The following ST7L variants were observed in gnomAD, a reference collection of about 807,000 sequenced individuals.
ST7L encodes the protein suppression of tumorigenicity 7 like.
In ST7L, 57 loss-of-function variants were observed where a neutral mutation model predicts 72.5. That is an observed-to-expected ratio of 0.79 (90% CI 0.64 to 0.98). The LOEUF (loss-of-function observed/expected upper bound fraction) is 0.98. Ranked by LOEUF, ST7L falls within the 50% of genes least tolerant of loss-of-function variation. ST7L has a pLI of 0.00. For synonymous variants in ST7L, 221 were observed against 240.9 expected (o/e 0.92, Z 0.77); for missense variants, 576 against 672.2 (o/e 0.86, Z 1.58).
intron 11 of ST7L, among the ~76,000 whole-genome samples, chr1:112,565,055 A>G (rs1041156686): frequency 8.6e-5 from 13 of 150,634 alleles, no homozygotes; most frequent in Non-Finnish European, 1.3e-4. Context: ...TATTATTATT[A>G]TTATTTGAGA....
intron 11 of ST7L, among the ~76,000 whole-genome samples, chr1:112,566,999 G>C (rs1661166243): frequency 6.6e-6 from 1 of 152,138 alleles, no homozygotes. Flanking sequence ...TGGATCACAG[G>C]TTGAAGGATA....
At chr1:112,581,904 GAA>G in intron 9 of ST7L, 86 bp downstream of exon 9, 10 of 963,226 alleles carry the variant, frequency 1.0e-5, no homozygotes, top group Non-Finnish European at 1.6e-5. Context: ...AACAGAAAGA[GAA>G]AATTAAATAC....
intron 11 of ST7L, among the ~76,000 whole-genome samples, chr1:112,558,424 T>C (rs573208864): frequency 2.0e-5 from 3 of 152,334 alleles, no homozygotes; most frequent in Admixed American, 6.5e-5. Context: ...ATTTAAGCCT[T>C]ACTTTATTTA....
chr1:112,584,235 T>A, intron 6 of ST7L, 109 bp from the exon 7 acceptor site: 5 of 1,115,552 alleles, frequency 4.5e-6, no homozygotes, highest in Non-Finnish European at 6.0e-6. Flanking sequence ...ACTTTTTCCA[T>A]CTTTAGAAAA....
chr1:112,539,521 T>C (rs1655747568), intron 14 of ST7L, among the ~76,000 whole-genome samples: 1 of 152,078 alleles, frequency 6.6e-6, no homozygotes, highest in South Asian at 2.1e-4. Flanking sequence ...CTGGGCGTTG[T>C]GGCACGTGCC....
chr1:112,597,939 C>T (rs939309676), intron 5 of ST7L, 32 bp downstream of exon 5: 1 of 1,510,616 alleles, frequency 6.6e-7, no homozygotes, highest in African/African-American at 1.4e-5. Flanking sequence ...TTCATGATCA[C>T]TGTTTATACT....
intron 14 of ST7L, 182 bp from the exon 15 acceptor site, chr1:112,526,293 A>C: frequency 1.6e-6 from 1 of 625,866 alleles, no homozygotes; most frequent in Non-Finnish European, 2.6e-6. Context: ...ACTATACAAC[A>C]TATTCCACAT....
At chr1:112,594,565 A>C (rs986875737) in intron 5 of ST7L, among the ~76,000 whole-genome samples, 3 of 152,240 alleles carry the variant, frequency 2.0e-5, no homozygotes, top group African/African-American at 7.2e-5. Context: ...GGCATTAGCA[A>C]GGAGTAATAA....
At chr1:112,538,233 T>C (rs1195950129) in intron 14 of ST7L, among the ~76,000 whole-genome samples, 1 of 152,214 alleles carries the variant, frequency 6.6e-6, no homozygotes, top group South Asian at 2.1e-4. Flanking sequence ...CACAGACAGT[T>C]TGCAGCTTAC....
At chr1:112,526,616 C>T (rs1653451401) in intron 14 of ST7L, 1 of 152,942 alleles carries the variant, frequency 6.5e-6, no homozygotes, top group South Asian at 2.0e-4. Context: ...TGGCGGGCGC[C>T]TGTAGTCCCA....
chr1:112,565,123 C>A (rs981036295), intron 11 of ST7L, among the ~76,000 whole-genome samples: 1 of 150,494 alleles, frequency 6.6e-6, no homozygotes, highest in African/African-American at 2.4e-5. Flanking sequence ...CGGCTCACTG[C>A]AACCTCTGCC....
chr1:112,604,181 T>C (rs1331873719), intron 3 of ST7L, among the ~76,000 whole-genome samples: 1 of 152,136 alleles, frequency 6.6e-6, no homozygotes, highest in Non-Finnish European at 1.5e-5. Flanking sequence ...TGGTGGCGCA[T>C]GCTTGTAATC....
Position 112,525,532 on chromosome 1 carries a change from T to G in ST7L, c.*481A>C. On this transcript the variant is annotated 3_prime_UTR_variant, in exon 15 of 15. Coordinates refer to ENST00000358039, the MANE Select transcript of ST7L (RefSeq NM_017744.5). Reference sequence around the variant, plus strand: ...CTCTGAGCATCTCGGTGGCTATTCCTCATTTACTTAAGATGTTTTAGTCAT... The same window carrying G: ...CTCTGAGCATCTCGGTGGCTATTCCGCATTTACTTAAGATGTTTTAGTCAT... The G allele has an allele frequency of 6.7e-6, 1 of 149,348 alleles. No individual in the cohort carries two copies. 9.3% of individuals were successfully genotyped at this position (149,348 alleles called of 1,614,324 possible).
chr1:112,517,984 G>A, the ST7L span: 2 of 152,626 alleles, frequency 1.3e-5, no homozygotes, highest in Non-Finnish European at 2.9e-5. Context: ...AGACCAATCT[G>A]CTGGGTAAAG....
chr1:112,518,691 G>A (rs1211214972), downstream of ST7L, among the ~76,000 whole-genome samples: 1 of 152,138 alleles, frequency 6.6e-6, no homozygotes, highest in African/African-American at 2.4e-5. Context: ...TTTAGGGAAG[G>A]AACTTTGGAG....
chr1:112,591,651 C>A, intron 5 of ST7L, 48 bp from the exon 6 acceptor site: 1 of 1,470,642 alleles, frequency 6.8e-7, no homozygotes, highest in South Asian at 1.2e-5. Flanking sequence ...AAAAAATAAT[C>A]TGCAAAATTA....
chr1:112,586,420 C>T (rs1402029716), intron 6 of ST7L, among the ~76,000 whole-genome samples: 1 of 152,058 alleles, frequency 6.6e-6, no homozygotes, highest in Non-Finnish European at 1.5e-5. Context: ...CCAGCCTGGG[C>T]AACAGAGCAA....
At chr1:112,565,275 G>A (rs1258529416) in intron 11 of ST7L, among the ~76,000 whole-genome samples, 2 of 133,102 alleles carry the variant, frequency 1.5e-5, no homozygotes, top group African/African-American at 3.0e-5. Context: ...TCACCATGTC[G>A]GCCAGGCTGG....
At chr1:112,582,306 C>A in intron 8 of ST7L, 69 bp downstream of exon 8, 1 of 1,166,878 alleles carries the variant, frequency 8.6e-7, no homozygotes, top group Non-Finnish European at 1.2e-6. Flanking sequence ...ATTAAAATAA[C>A]TGGCAACTTA....
Sources: gnomAD v4.1 joint callset for allele counts (sites outside exome capture counted in the v4.1 genomes callset) on GRCh38, gnomAD v4.1.1 for gene constraint, MANE v1.5 for transcripts, NCBI Gene and HGNC (gene_info 2026-07-23, HGNC 2026-07-21) for gene names.